The following GRK1 variants were observed in gnomAD, a reference collection of about 807,000 sequenced individuals.
GRK1 encodes the protein G protein-coupled receptor kinase 1.
A neutral mutation model predicts 41.7 loss-of-function variants in GRK1; 28 were observed. That is an observed-to-expected ratio of 0.67 (90% CI 0.50 to 0.92). The LOEUF (loss-of-function observed/expected upper bound fraction) is 0.92, where lower values mean the gene tolerates loss of function less well. GRK1 is among the 40% of genes least tolerant of loss of function. The pLI, the probability that GRK1 is intolerant of heterozygous loss-of-function variation, is 0.00. For synonymous variants in GRK1, 327 were observed against 286.7 expected (o/e 1.14, Z -1.42); for missense variants, 703 against 671.2 (o/e 1.05, Z -0.52).
chr13:113,733,947 T>C lies in GRK1; in HGVS notation c.1396+862T>C, dbSNP rs867481502. Among the ~76,000 whole-genome samples, 477 of 139,950 alleles carry C rather than the reference T, an allele frequency of 3.4e-3. 7 individuals carry two copies. The highest frequency in any genetic ancestry group is 0.012 in the African/African-American group (429 of 34,418). The allele number at this position is 139,950 out of a possible 152,430, so 91.8% of individuals were successfully genotyped here. A position where few individuals can be genotyped will look rare whatever the true frequency, so the allele number is the denominator to read the frequency against. ...GTGCATGTGTGCATACGTGTGTGCGTGTGTGTGCATACGTGTGTGTGCGTG... is the reference window on the plus strand; with the variant it reads ...GTGCATGTGTGCATACGTGTGTGCGCGTGTGTGCATACGTGTGTGTGCGTG... On this transcript the variant is annotated intron_variant, in intron 6 of 6. Transcript: ENST00000335678.
chr13:113,733,363 G>A (rs1338826722), intron 6 of GRK1, among the ~76,000 whole-genome samples: 2 of 152,236 alleles, frequency 1.3e-5, no homozygotes, highest in Admixed American at 6.5e-5. Flanking sequence ...CTTCCACCAC[G>A]TCCCCTGGTG....
the GRK1 span, chr13:113,657,930 A>G: frequency 1.2e-5 from 11 of 951,164 alleles, no homozygotes; most frequent in East Asian, 2.4e-4. Flanking sequence ...TCGGGGTCTC[A>G]CTGTCAGGGG....
At position 113,731,198 on chromosome 13, in the gene GRK1, C is replaced by CGCAATGTCCCTTGCTG; in HGVS notation, c.1070-17_1070-2dup. On this transcript the variant is annotated intron_variant, in intron 4 of 6. Transcript: ENST00000335678. This position sits in a 1 kb window ranked among gnomAD's most constrained non-coding sequence, Gnocchi z 5.6. ...CCATGGAGGTGACCACCTCTGAACCCGCAATGTCCCTTGCTGGCAGGTTTC... is the reference window on the plus strand; with the variant it reads ...CCATGGAGGTGACCACCTCTGAACCCGCAATGTCCCTTGCTGGCAATGTCCCTTGCTGGCAGGTTTC... 1 of 1,535,888 alleles carries CGCAATGTCCCTTGCTG rather than the reference C, an allele frequency of 6.5e-7. No individual in the cohort carries two copies. The highest frequency in any genetic ancestry group is 8.7e-7 in the Non-Finnish European group (1 of 1,146,110).
chr13:113,668,477 G>C (rs1454235795), intron 1 of GRK1, among the ~76,000 whole-genome samples: 1 of 152,218 alleles, frequency 6.6e-6, no homozygotes, highest in South Asian at 2.1e-4. Flanking sequence ...TCCTCTGATC[G>C]CAGCGAATGC....
chr13:113,657,225 C>T, the GRK1 span, among the ~76,000 whole-genome samples: 6 of 152,136 alleles, frequency 3.9e-5, no homozygotes, highest in Non-Finnish European at 5.9e-5. Flanking sequence ...AGCCGGGCAC[C>T]GTGGGAATTG....
intron 4 of GRK1, among the ~76,000 whole-genome samples, chr13:113,724,001 T>G (rs1340421732): frequency 1.3e-5 from 2 of 151,946 alleles, no homozygotes; most frequent in Non-Finnish European, 2.9e-5. Context: ...TGTGCACACG[T>G]GTGTCCGTGT....
chr13:113,649,309 G>A, the GRK1 span: 1 of 1,529,132 alleles, frequency 6.5e-7, no homozygotes, highest in Non-Finnish European at 8.8e-7. The surrounding 1 kb of genome is among the most constrained non-coding windows in gnomAD (Gnocchi z 4.7). Flanking sequence ...GGCAAGGTAA[G>A]CCCAACCAGG....
rs372442806 is a variant in GRK1, at chr13:113,667,360, C to A, written c.-27C>A. 1.3e-6 allele frequency: 2 copies of A among 1,515,970 alleles called. No individual in the cohort carries two copies. The highest frequency in any genetic ancestry group is 1.4e-5 in the African/African-American group (1 of 72,360). 93.9% of individuals were successfully genotyped at this position (1,515,970 alleles called of 1,614,324 possible). Reference sequence around the variant, plus strand: ...CTTGGCCTCGGCTGATGGGCCCTCACGCCTGAAGCGGGCAGGAAGCTCCGG... The same window carrying A: ...CTTGGCCTCGGCTGATGGGCCCTCAAGCCTGAAGCGGGCAGGAAGCTCCGG... On this transcript the variant is annotated 5_prime_UTR_variant, in exon 1 of 7. Transcript: ENST00000335678. This position sits in a 1 kb window ranked among gnomAD's most constrained non-coding sequence, Gnocchi z 7.5.
At chr13:113,664,628 A>G (rs2049806766), upstream of GRK1, among the ~76,000 whole-genome samples, 1 of 152,218 alleles carries the variant, frequency 6.6e-6, no homozygotes, top group South Asian at 2.1e-4. The surrounding 1 kb of genome is among the most constrained non-coding windows in gnomAD (Gnocchi z 5.4). Context: ...AACGGCCCCC[A>G]GTCCAACAGG....
chr13:113,650,946 C>A, the GRK1 span, among the ~76,000 whole-genome samples: 4 of 151,980 alleles, frequency 2.6e-5, no homozygotes, highest in Non-Finnish European at 4.4e-5. The surrounding 1 kb of genome is among the most constrained non-coding windows in gnomAD (Gnocchi z 5.0). Context: ...GTGGGTAGCT[C>A]AGGGTCATCA....
the GRK1 span, chr13:113,653,520 G>C: frequency 7.9e-7 from 1 of 1,270,202 alleles, no homozygotes; most frequent in Non-Finnish European, 1.1e-6. Flanking sequence ...GGATACGCCA[G>C]AGGCGGTGGC....
At chr13:113,666,636 G>A (rs1422661289), upstream of GRK1, among the ~76,000 whole-genome samples, 1 of 152,068 alleles carries the variant, frequency 6.6e-6, no homozygotes, top group African/African-American at 2.4e-5. Context: ...CCTGGTCCTG[G>A]TGTCACCAGC....
intron 2 of GRK1, among the ~76,000 whole-genome samples, chr13:113,670,721 C>T (rs1358756708): frequency 6.8e-5 from 4 of 59,096 alleles, no homozygotes; most frequent in Admixed American, 2.1e-4. Flanking sequence ...GGTGCCCAGG[C>T]GGAGGGGAGG....
chr13:113,671,801 G>A lies in GRK1; in HGVS notation c.985+145G>A. 1.5e-6 allele frequency: 1 copy of A among 653,896 alleles called. No homozygotes were observed. Among genetic ancestry groups the A allele is most frequent in the East Asian group, 2.7e-5 (1 of 36,740 alleles). 40.5% of individuals were successfully genotyped at this position (653,896 alleles called of 1,614,324 possible). Reference sequence around the variant, plus strand: ...GAGGGCTGACGGCTTCGTGGACGGTGGAGGTGTCATCGGGCACCAGGAGTC... The same window carrying A: ...GAGGGCTGACGGCTTCGTGGACGGTAGAGGTGTCATCGGGCACCAGGAGTC... On this transcript the variant is annotated intron_variant, in intron 3 of 6. Transcript: ENST00000335678. This position sits in a 1 kb window ranked among gnomAD's most constrained non-coding sequence, Gnocchi z 4.1.
In GRK1 at chr13:113,731,164, G is replaced by A; in HGVS notation, c.1070-55G>A. 1 of 1,520,144 alleles carries A rather than the reference G, an allele frequency of 6.6e-7. No individual in the cohort carries two copies. The highest frequency in any genetic ancestry group is 1.4e-5 in the African/African-American group (1 of 72,882). 94.2% of individuals were successfully genotyped at this position (1,520,144 alleles called of 1,614,324 possible). ...GCATCAGTCCTGCGATTCCTGGAGTGCGTGCCCACCATGGAGGTGACCACC... is the reference window on the plus strand; with the variant it reads ...GCATCAGTCCTGCGATTCCTGGAGTACGTGCCCACCATGGAGGTGACCACC... On this transcript the variant is annotated intron_variant, in intron 4 of 6. Transcript: ENST00000335678. This position sits in a 1 kb window ranked among gnomAD's most constrained non-coding sequence, Gnocchi z 5.6.
At chr13:113,652,007 G>T in the GRK1 span, among the ~76,000 whole-genome samples, 10 of 152,204 alleles carry the variant, frequency 6.6e-5, no homozygotes, top group Admixed American at 6.5e-4. Flanking sequence ...GCTGGGGCGG[G>T]GTGGTCTTAG....
At chr13:113,728,013 T>G (rs1318486360) in intron 4 of GRK1, among the ~76,000 whole-genome samples, 2 of 33,260 alleles carry the variant, frequency 6.0e-5, no homozygotes, top group Non-Finnish European at 1.0e-4. Context: ...CCCATGGCGA[T>G]GAGGAGTACC....
chr13:113,668,618 G>T (rs954957317), intron 1 of GRK1, among the ~76,000 whole-genome samples: 2 of 152,238 alleles, frequency 1.3e-5, no homozygotes, highest in Non-Finnish European at 2.9e-5. Flanking sequence ...AGTGAGCGAC[G>T]GGCACGCAGG....
At chr13:113,649,781 G>C in the GRK1 span, among the ~76,000 whole-genome samples, 1 of 152,184 alleles carries the variant, frequency 6.6e-6, no homozygotes, top group Non-Finnish European at 1.5e-5. This position sits in a 1 kb window ranked among gnomAD's most constrained non-coding sequence, Gnocchi z 4.7. Context: ...CTCTTACGAT[G>C]ATTAACGTAA....
Sources: allele counts gnomAD v4.1 joint callset (sites outside exome capture counted in the v4.1 genomes callset), GRCh38; gene constraint gnomAD v4.1.1; non-coding constraint Gnocchi (gnomAD v3.1); transcripts MANE v1.5; gene names NCBI Gene and HGNC (gene_info 2026-07-23, HGNC 2026-07-21).